Variants in CMPK1 observed in about 807,000 individuals in gnomAD.
CMPK1 encodes cytidine/uridine monophosphate kinase 1.
A neutral mutation model predicts 25.7 loss-of-function variants in CMPK1; 10 were observed. The ratio of observed to expected loss-of-function variants is 0.39; its 90% CI spans 0.24 to 0.66. The LOEUF (loss-of-function observed/expected upper bound fraction) is 0.66. CMPK1 is among the 30% of genes least tolerant of loss of function. The pLI is 0.48. For synonymous variants in CMPK1, 106 were observed against 101.5 expected, an observed-to-expected ratio of 1.04 and a Z score of -0.27; for missense variants, 199 against 280.5, an observed-to-expected ratio of 0.71 and a Z score of 2.08.
chr1:47,359,803 C>T (rs1264331609), intron 1 of CMPK1, among the ~76,000 whole-genome samples: 1 of 152,164 alleles, frequency 6.6e-6, no homozygotes, highest in Admixed American at 6.6e-5. Context: ...TGAGCCACCA[C>T]ACCCAGCCTG....
At position 47,337,938 on chromosome 1, in the gene CMPK1, C is replaced by T. The variant is rs888230203; in HGVS notation, c.171+3822C>T. ...GAATATCTATTGTTAGTGAAGTCAG[C>T]GGTATGTTGTTTTTTTCCTTTGTGA... On this transcript the variant is annotated intron_variant, in intron 1 of 5. Coordinates refer to ENST00000371873, the MANE Select transcript of CMPK1 (RefSeq NM_016308.3). Among the ~76,000 whole-genome samples the T allele has an allele frequency of 7.2e-5, 11 of 152,052 alleles. No homozygotes were observed. In the East Asian group the frequency reaches 9.6e-4, roughly 13 times the overall value.
intron 3 of CMPK1, among the ~76,000 whole-genome samples, chr1:47,374,059 G>GTTTTA (rs545321946): frequency 2.2e-3 from 330 of 152,102 alleles, no homozygotes; most frequent in Non-Finnish European, 3.8e-3. Context: ...CCTTTGTGTT[G>GTTTTA]TTTTATTTTA....
chr1:47,341,616 T>C (rs1016866454), intron 1 of CMPK1, among the ~76,000 whole-genome samples: 1 of 152,020 alleles, frequency 6.6e-6, no homozygotes, highest in Non-Finnish European at 1.5e-5. Context: ...GAGTCTACTT[T>C]AAGATTTTTA....
intron 2 of CMPK1, among the ~76,000 whole-genome samples, chr1:47,369,692 G>A (rs1646663417): frequency 6.6e-6 from 1 of 151,178 alleles, no homozygotes; most frequent in African/African-American, 2.4e-5. Context: ...CTCCCGAGTA[G>A]CTGGGACTAC....
chr1:47,374,153 G>A (rs1646693559), intron 3 of CMPK1, among the ~76,000 whole-genome samples: 1 of 152,136 alleles, frequency 6.6e-6, no homozygotes, highest in Non-Finnish European at 1.5e-5. Context: ...AACCTCCCAG[G>A]TTCAAGCAGT....
At chr1:47,369,020 T>C (rs1185427350) in intron 2 of CMPK1, among the ~76,000 whole-genome samples, 3 of 152,218 alleles carry the variant, frequency 2.0e-5, no homozygotes, top group Non-Finnish European at 4.4e-5. Context: ...TGTTTTGTTT[T>C]GTTTTGAGAC....
chr1:47,351,916 A>G (rs759582939), intron 1 of CMPK1, among the ~76,000 whole-genome samples: 3 of 152,008 alleles, frequency 2.0e-5, no homozygotes, highest in Non-Finnish European at 4.4e-5. Flanking sequence ...CAGGTGGATC[A>G]TTTGAGGTCA....
chr1:47,364,287 A>T (rs1248854893), intron 1 of CMPK1, among the ~76,000 whole-genome samples: 13 of 151,976 alleles, frequency 8.6e-5, no homozygotes, highest in African/African-American at 2.2e-4. Context: ...TTATATATAT[A>T]TTTTTTGTTT....
intron 1 of CMPK1, among the ~76,000 whole-genome samples, chr1:47,362,419 T>C (rs1646610153): frequency 6.6e-6 from 1 of 151,834 alleles, no homozygotes; most frequent in Non-Finnish European, 1.5e-5. Context: ...CCGCCCGACT[T>C]GGCCTCCCAG....
At chr1:47,350,243 G>GT (rs568216030) in intron 1 of CMPK1, among the ~76,000 whole-genome samples, 38 of 149,896 alleles carry the variant, frequency 2.5e-4, no homozygotes, top group Admixed American at 8.7e-4. Context: ...TCCACCTACT[G>GT]TTTTTTTTTC....
intron 1 of CMPK1, among the ~76,000 whole-genome samples, chr1:47,362,317 A>G (rs1646609390): frequency 2.7e-5 from 4 of 149,970 alleles, no homozygotes; most frequent in Admixed American, 6.7e-5. Context: ...TTACAGGCAC[A>G]CACCACCACG....
intron 1 of CMPK1, among the ~76,000 whole-genome samples, chr1:47,334,921 T>A (rs1014423199): frequency 6.6e-6 from 1 of 152,200 alleles, no homozygotes; most frequent in Non-Finnish European, 1.5e-5. Flanking sequence ...AAATGTAAAA[T>A]GCTGTTACTT....
At chr1:47,334,194 G>A (rs1274080369) in intron 1 of CMPK1, 78 bp downstream of exon 1, 6 of 1,205,020 alleles carry the variant, frequency 5.0e-6, no homozygotes, top group Non-Finnish European at 6.3e-6. Context: ...CCTAGTCCGC[G>A]CCCCGCGGAG....
intron 2 of CMPK1, among the ~76,000 whole-genome samples, chr1:47,372,734 C>G (rs1646684858): frequency 6.6e-6 from 1 of 151,998 alleles, no homozygotes; most frequent in South Asian, 2.1e-4. Flanking sequence ...TACCCATAAC[C>G]ACACCAACTT....
At chr1:47,364,443 A>G (rs945909649) in intron 1 of CMPK1, among the ~76,000 whole-genome samples, 2 of 151,436 alleles carry the variant, frequency 1.3e-5, no homozygotes, top group African/African-American at 4.8e-5. Flanking sequence ...TCAGCCTCCC[A>G]AGTAGCAGGA....
intron 1 of CMPK1, among the ~76,000 whole-genome samples, chr1:47,359,913 C>T (rs770150609): frequency 3.3e-4 from 51 of 152,272 alleles, no homozygotes; most frequent in Admixed American, 7.8e-4. Context: ...GTGCCTTTCT[C>T]CAGGTATTCT....
intron 1 of CMPK1, among the ~76,000 whole-genome samples, chr1:47,363,938 G>A (rs1450349911): frequency 2.7e-5 from 4 of 150,898 alleles, no homozygotes; most frequent in Non-Finnish European, 4.4e-5. Flanking sequence ...CCGAGATTCC[G>A]TCTAAAAGGA....
rs199579889 is a variant in CMPK1, at chr1:47,355,372, G to C, written c.172-13097G>C. Among the ~76,000 whole-genome samples the C allele has an allele frequency of 4.5e-4, 60 of 133,964 alleles. 1 individual carries two copies. The East Asian group carries it at 0.012, about 28-fold the overall frequency. The allele number at this position is 133,964 out of a possible 152,430, so 87.9% of individuals were successfully genotyped here. On this transcript the variant is annotated intron_variant, in intron 1 of 5. Transcript: ENST00000371873. Reference sequence around the variant, plus strand: ...TTTTTTTTTTTTTTTTTTTGAGACAGAGTCTCACTCTGTCACCCAGGCTGG... The same window carrying C: ...TTTTTTTTTTTTTTTTTTTGAGACACAGTCTCACTCTGTCACCCAGGCTGG...
intron 1 of CMPK1, among the ~76,000 whole-genome samples, chr1:47,353,336 TG>T (rs1258839132): frequency 6.6e-6 from 1 of 152,242 alleles, no homozygotes; most frequent in East Asian, 1.9e-4. Flanking sequence ...GCTATAAAAC[TG>T]GACTGTTTTC....
Sources: gnomAD v4.1 joint callset for allele counts (sites outside exome capture counted in the v4.1 genomes callset) on GRCh38, gnomAD v4.1.1 for gene constraint, MANE v1.5 for transcripts, NCBI Gene and HGNC (gene_info 2026-07-23, HGNC 2026-07-21) for gene names.